Variants in DNAH14 observed in about 807,000 individuals in gnomAD.
DNAH14 encodes dynein axonemal heavy chain 14.
In DNAH14, 478 loss-of-function variants were observed where a neutral mutation model predicts 520.9. The observed-to-expected ratio is 0.92, with a 90% CI of 0.85 to 0.99. DNAH14 has a LOEUF of 0.99. Ranked by LOEUF, DNAH14 falls within the 50% of genes least tolerant of loss-of-function variation. The pLI is 0.00. For missense variants in DNAH14, 4,831 were observed against 5,234.5 expected (o/e 0.92, Z 2.38); for synonymous variants, 1,581 against 1,757.2 (o/e 0.90, Z 2.51).
chr1:225,310,305 C>G (rs1235122598), intron 60 of DNAH14, among the ~76,000 whole-genome samples: 2 of 151,944 alleles, frequency 1.3e-5, no homozygotes, highest in East Asian at 3.8e-4. Flanking sequence ...TACAAAATTA[C>G]AGTACACAAT....
chr1:225,034,783 C>G (rs892233696), intron 11 of DNAH14, among the ~76,000 whole-genome samples: 2 of 152,120 alleles, frequency 1.3e-5, no homozygotes, highest in Non-Finnish European at 2.9e-5. Context: ...GAATCAATTT[C>G]TTCCTGGCTC....
At chr1:225,210,950 A>C (rs537400189) in intron 41 of DNAH14, among the ~76,000 whole-genome samples, 62 of 152,096 alleles carry the variant, frequency 4.1e-4, no homozygotes, top group Non-Finnish European at 6.2e-4. Context: ...AGAAAGGAAG[A>C]GCATCAACAT....
chr1:225,061,152 T>G (rs2070022663), intron 17 of DNAH14, among the ~76,000 whole-genome samples: 1 of 152,218 alleles, frequency 6.6e-6, no homozygotes, highest in Admixed American at 6.5e-5. Context: ...TGAGCTGTGG[T>G]GGGCCCCACC....
rs906460908 is a variant in DNAH14 at position 225,316,448 on chromosome 1, A to G, written c.9241-2135A>G. The stretch of plus-strand genomic sequence containing the variant: ...TTGGTGTCTGCCCAAACAGCCGCCC[A>G]GTTTTGTGCTTGAAATCCAGGGCTC... On this transcript the variant is annotated intron_variant, in intron 60 of 85. Coordinates refer to ENST00000682510, the MANE Select transcript of DNAH14 (RefSeq NM_001367479.1). Among the ~76,000 whole-genome samples the G allele has an allele frequency of 5.9e-5, 9 of 152,294 alleles. No homozygotes were observed. The East Asian group carries it at 1.7e-3, about 29-fold the overall frequency.
At chr1:225,334,078 A>C (rs757027346) in intron 66 of DNAH14, among the ~76,000 whole-genome samples, 6 of 152,192 alleles carry the variant, frequency 3.9e-5, no homozygotes, top group Non-Finnish European at 5.9e-5. Context: ...AATGCTACTA[A>C]CCAATTTAAA....
intron 73 of DNAH14, among the ~76,000 whole-genome samples, chr1:225,357,143 C>A (rs1234799128): frequency 6.6e-6 from 1 of 152,010 alleles, no homozygotes; most frequent in Admixed American, 6.6e-5. Context: ...CTTTTTCACC[C>A]CTTGCCACTG....
At chr1:225,011,166 CTCTAGTTCTTTTAAT>C (rs2064701703) in intron 10 of DNAH14, among the ~76,000 whole-genome samples, 1 of 151,962 alleles carries the variant, frequency 6.6e-6, no homozygotes. Context: ...GCTCTTGCTT[CTCTAGTTCTTTTAAT>C]TGTGATGTTA....
At chr1:225,091,757 A>G (rs892879646) in intron 21 of DNAH14, among the ~76,000 whole-genome samples, 12 of 151,998 alleles carry the variant, frequency 7.9e-5, no homozygotes, top group African/African-American at 2.9e-4. Flanking sequence ...TAAACAGTCT[A>G]CCCCTATTAA....
chr1:225,012,813 G>A (rs765019554), intron 10 of DNAH14, among the ~76,000 whole-genome samples: 1 of 152,136 alleles, frequency 6.6e-6, no homozygotes, highest in Admixed American at 6.6e-5. Context: ...AGCTCCGTCA[G>A]GTCATTCATG....
chr1:225,208,773 T>G (rs2087939525), intron 41 of DNAH14, among the ~76,000 whole-genome samples: 2 of 152,162 alleles, frequency 1.3e-5, no homozygotes, highest in Admixed American at 1.3e-4. Flanking sequence ...TGTTCTGTTC[T>G]TTTTTGTTTG....
At position 225,257,736 on chromosome 1, in the gene DNAH14, C is replaced by T. The variant is rs555204672; in HGVS notation, c.6866-224C>T. Among the ~76,000 whole-genome samples, 111 of 151,950 alleles carry T rather than the reference C, an allele frequency of 7.3e-4. 1 individual carries two copies. Among genetic ancestry groups the T allele is most frequent in the African/African-American group, 2.5e-3 (105 of 41,472 alleles). Reference sequence around the variant, plus strand: ...ATTTTTAGTAGAGATGGGGTTTCACCGCGTTAGCCAGGATGGTCTCGATCT... The same window carrying T: ...ATTTTTAGTAGAGATGGGGTTTCACTGCGTTAGCCAGGATGGTCTCGATCT... On this transcript the variant is annotated intron_variant, in intron 44 of 85. Transcript: ENST00000682510.
chr1:225,035,656 TTTTTG>T (rs766595938), intron 11 of DNAH14, among the ~76,000 whole-genome samples: 15 of 152,130 alleles, frequency 9.9e-5, no homozygotes, highest in Admixed American at 5.2e-4. Context: ...ATTTGTAGGG[TTTTTG>T]TTTTGTTTTG....
chr1:225,323,659 C>T (rs941863226), intron 62 of DNAH14, among the ~76,000 whole-genome samples: 27 of 151,996 alleles, frequency 1.8e-4, no homozygotes, highest in Non-Finnish European at 1.8e-4. Flanking sequence ...GACATGGTTT[C>T]ACCATGTTGG....
intron 10 of DNAH14, among the ~76,000 whole-genome samples, chr1:225,010,308 G>A (rs1572435610): frequency 6.6e-6 from 1 of 152,022 alleles, no homozygotes; most frequent in Non-Finnish European, 1.5e-5. Context: ...GCATGAAGGG[G>A]TGTTTAATTT....
intron 9 of DNAH14, 47 bp from the exon 10 acceptor site, chr1:225,007,366 A>G: frequency 7.2e-7 from 1 of 1,394,092 alleles, no homozygotes; most frequent in South Asian, 1.6e-5. Context: ...TTTTTTAAAT[A>G]TGAATTTTGA....
chr1:224,985,953 A>C (rs2062606044), intron 8 of DNAH14, among the ~76,000 whole-genome samples: 1 of 152,104 alleles, frequency 6.6e-6, no homozygotes. Context: ...GCCTTAAAAA[A>C]GAAGTTAAAA....
chr1:225,210,153 A>G (rs2088175800), intron 41 of DNAH14, among the ~76,000 whole-genome samples: 1 of 151,998 alleles, frequency 6.6e-6, no homozygotes, highest in Non-Finnish European at 1.5e-5. Context: ...TAATGCCAGT[A>G]AGACAGAATC....
At chr1:225,020,889 T>A in intron 10 of DNAH14, among the ~76,000 whole-genome samples, 1 of 152,126 alleles carries the variant, frequency 6.6e-6, no homozygotes, top group Non-Finnish European at 1.5e-5. Context: ...ATATACCTAA[T>A]GAACACAGAC....
Position 225,094,683 on chromosome 1 carries a change from AAAAC to A in DNAH14, c.3574-2423_3574-2420del, listed in dbSNP as rs1310560954. Among the ~76,000 whole-genome samples the A allele has an allele frequency of 1.7e-3, 150 of 88,426 alleles. 1 individual carries two copies. The highest frequency in any genetic ancestry group is 3.2e-3 in the Admixed American group (28 of 8,820). The allele number at this position is 88,426 out of a possible 152,430, so 58.0% of individuals were successfully genotyped here. A position where few individuals can be genotyped will look rare whatever the true frequency, so the allele number is the denominator to read the frequency against. On this transcript the variant is annotated intron_variant, in intron 21 of 85. Transcript: ENST00000682510. ...AAAAAAAAAAAAAAAAAAAAACAAC[AAAAC>A]AAACAAACAAAAAAACGCTATCAAC...
Sources: gnomAD v4.1 joint callset for allele counts (sites outside exome capture counted in the v4.1 genomes callset) on GRCh38, gnomAD v4.1.1 for gene constraint, MANE v1.5 for transcripts, NCBI Gene and HGNC (gene_info 2026-07-23, HGNC 2026-07-21) for gene names.